NFIL3: variants seen among roughly 807,000 people sequenced by gnomAD.
NFIL3 encodes nuclear factor interleukin-3-regulated protein.
A neutral mutation model predicts 10.0 loss-of-function variants in NFIL3; 5 were observed. The ratio of observed to expected loss-of-function variants is 0.50; its 90% CI spans 0.26 to 1.06. NFIL3 has a LOEUF of 1.06. Among genes scored for constraint, NFIL3 ranks in the 50% least tolerant of loss-of-function variants. The probability of loss-of-function intolerance (pLI) is 0.13; values close to 1 mark genes in which losing one functional copy is unlikely to be tolerated. For missense variants in NFIL3, 436 were observed against 547.6 expected (o/e 0.80, Z 2.03); for synonymous variants, 202 against 206.5 (o/e 0.98, Z 0.19).
the NFIL3 span, among the ~76,000 whole-genome samples, chr9:91,473,274 T>C: frequency 9.2e-5 from 14 of 152,244 alleles, no homozygotes; most frequent in African/African-American, 2.7e-4. Context: ...TGCAGAAGTT[T>C]CTGCTGCCTT....
At chr9:91,443,648 G>A in the NFIL3 span, among the ~76,000 whole-genome samples, 3 of 152,216 alleles carry the variant, frequency 2.0e-5, no homozygotes, top group Non-Finnish European at 4.4e-5. Flanking sequence ...TGGGCACTGG[G>A]AGCAGGCACT....
the NFIL3 span, among the ~76,000 whole-genome samples, chr9:91,444,298 CTT>C: frequency 6.6e-6 from 1 of 152,076 alleles, no homozygotes; most frequent in African/African-American, 2.4e-5. Context: ...ATATCTATCT[CTT>C]TATTGAATTT....
intron 1 of NFIL3, among the ~76,000 whole-genome samples, chr9:91,416,422 A>C (rs547037912): frequency 4.6e-5 from 7 of 152,336 alleles, no homozygotes; most frequent in South Asian, 2.1e-4. Context: ...ATTTATTTCA[A>C]GCCTCAATAT....
the NFIL3 span, among the ~76,000 whole-genome samples, chr9:91,480,919 AGGATG>A: frequency 1.3e-5 from 2 of 152,362 alleles, no homozygotes; most frequent in African/African-American, 4.8e-5. Flanking sequence ...CCCACAGGAA[AGGATG>A]GGACAGCTGA....
the NFIL3 span, among the ~76,000 whole-genome samples, chr9:91,446,434 C>A: frequency 6.6e-6 from 1 of 152,172 alleles, no homozygotes; most frequent in African/African-American, 2.4e-5. Flanking sequence ...TGCAAGGCAA[C>A]GAGTTCTACG....
chr9:91,477,288 C>T, the NFIL3 span, among the ~76,000 whole-genome samples: 18 of 152,304 alleles, frequency 1.2e-4, no homozygotes, highest in Admixed American at 7.8e-4. Flanking sequence ...TCCATCTCAG[C>T]GACAGGGAGT....
rs188045866 is a variant in NFIL3 at position 91,409,099 on chromosome 9, T to C, written c.*247A>G. 5.8e-5 allele frequency: 23 copies of C among 397,504 alleles called. No individual in the cohort carries two copies. The highest frequency in any genetic ancestry group is 2.8e-4 in the South Asian group (4 of 14,110). 24.6% of individuals were successfully genotyped at this position (397,504 alleles called of 1,614,324 possible). ...AACTGGTAACTTACACACTTTATAATAGAACAACAAAAATAATGTTCAATA... is the reference window on the plus strand; with the variant it reads ...AACTGGTAACTTACACACTTTATAACAGAACAACAAAAATAATGTTCAATA... On this transcript the variant is annotated 3_prime_UTR_variant, in exon 2 of 2. Coordinates refer to ENST00000297689, the MANE Select transcript of NFIL3 (RefSeq NM_005384.3).
chr9:91,428,468 G>A (rs1028590754), upstream of NFIL3, among the ~76,000 whole-genome samples: 3 of 152,184 alleles, frequency 2.0e-5, no homozygotes, highest in African/African-American at 7.2e-5. Flanking sequence ...CCATTAGCAG[G>A]AGTTCTATTA....
chr9:91,431,494 G>A, the NFIL3 span, among the ~76,000 whole-genome samples: 6 of 152,272 alleles, frequency 3.9e-5, no homozygotes, highest in Non-Finnish European at 7.4e-5. Flanking sequence ...CTACCATTCC[G>A]TGGAGAGGGG....
chr9:91,441,954 G>C, the NFIL3 span, among the ~76,000 whole-genome samples: 2 of 152,180 alleles, frequency 1.3e-5, no homozygotes, highest in Non-Finnish European at 2.9e-5. Context: ...GGAGTATTCT[G>C]AATTTGAGTA....
At chr9:91,458,823 G>C in the NFIL3 span, among the ~76,000 whole-genome samples, 1 of 152,214 alleles carries the variant, frequency 6.6e-6, no homozygotes, top group African/African-American at 2.4e-5. Context: ...CTCATTGCTG[G>C]AGGTATCACC....
the NFIL3 span, among the ~76,000 whole-genome samples, chr9:91,440,315 C>T: frequency 1.3e-5 from 2 of 151,986 alleles, no homozygotes; most frequent in African/African-American, 4.8e-5. Flanking sequence ...TCATAATAGT[C>T]CTGTGTGATT....
At chr9:91,474,800 A>C in the NFIL3 span, among the ~76,000 whole-genome samples, 1 of 152,224 alleles carries the variant, frequency 6.6e-6, no homozygotes, top group Non-Finnish European at 1.5e-5. Flanking sequence ...TGTCATTCAA[A>C]AGCAGCCATG....
At chr9:91,413,258 T>A (rs1833589485) in intron 1 of NFIL3, among the ~76,000 whole-genome samples, 1 of 151,778 alleles carries the variant, frequency 6.6e-6, no homozygotes, top group Non-Finnish European at 1.5e-5. Context: ...TTATTTCCTT[T>A]TTTTTTTTTG....
chr9:91,477,443 C>T, the NFIL3 span, among the ~76,000 whole-genome samples: 5 of 152,278 alleles, frequency 3.3e-5, no homozygotes, highest in East Asian at 3.9e-4. Flanking sequence ...AACTGATTGG[C>T]GACCTTAATT....
chr9:91,470,321 A>T, the NFIL3 span, among the ~76,000 whole-genome samples: 2 of 150,222 alleles, frequency 1.3e-5, no homozygotes, highest in Admixed American at 6.6e-5. Flanking sequence ...ATTTGCATAG[A>T]GGTGTTTATA....
intron 1 of NFIL3, among the ~76,000 whole-genome samples, chr9:91,418,578 C>A (rs1373088996): frequency 6.6e-6 from 1 of 152,146 alleles, no homozygotes; most frequent in Non-Finnish European, 1.5e-5. Context: ...ATGTCATTTT[C>A]TACCTTATGA....
the NFIL3 span, among the ~76,000 whole-genome samples, chr9:91,476,873 C>T: frequency 9.2e-5 from 14 of 152,316 alleles, no homozygotes; most frequent in South Asian, 2.1e-4. Flanking sequence ...AATTCCACTA[C>T]TGCTGCCGAA....
chr9:91,478,370 T>C, the NFIL3 span, among the ~76,000 whole-genome samples: 2 of 152,208 alleles, frequency 1.3e-5, no homozygotes, highest in South Asian at 2.1e-4. Flanking sequence ...TTTTCTCTAA[T>C]CTTGTCTTCT....
Sources: allele counts gnomAD v4.1 joint callset (sites outside exome capture counted in the v4.1 genomes callset), GRCh38; gene constraint gnomAD v4.1.1; transcripts MANE v1.5; gene names NCBI Gene and HGNC (gene_info 2026-07-23, HGNC 2026-07-21).